The following PARN variants were observed in gnomAD, a reference collection of about 807,000 sequenced individuals.
PARN encodes poly(A)-specific ribonuclease.
A neutral mutation model predicts 102.8 loss-of-function variants in PARN; 71 were observed. The ratio of observed to expected loss-of-function variants is 0.69; its 90% CI spans 0.57 to 0.84. PARN has a LOEUF of 0.84. Among genes scored for constraint, PARN ranks in the 40% least tolerant of loss-of-function variants. The pLI, the probability that PARN is intolerant of heterozygous loss-of-function variation, is 0.00. For synonymous variants in PARN, 261 were observed against 252.9 expected (o/e 1.03, Z -0.30); for missense variants, 782 against 760.9 (o/e 1.03, Z -0.33).
intron 21 of PARN, among the ~76,000 whole-genome samples, chr16:14,497,698 T>G (rs1216326674): frequency 2.6e-5 from 4 of 152,152 alleles, no homozygotes; most frequent in Non-Finnish European, 4.4e-5. Context: ...GTTGAAAAGC[T>G]TAGTCTGTTT....
At chr16:14,513,246 G>A (rs1410690251) in intron 21 of PARN, among the ~76,000 whole-genome samples, 3 of 152,054 alleles carry the variant, frequency 2.0e-5, no homozygotes, top group African/African-American at 4.8e-5. Context: ...CAAAACTTCA[G>A]CAAATAAAGT....
At chr16:14,597,286 A>T (rs899183662) in intron 12 of PARN, among the ~76,000 whole-genome samples, 2 of 152,286 alleles carry the variant, frequency 1.3e-5, no homozygotes, top group African/African-American at 4.8e-5. Flanking sequence ...ATAAACTATA[A>T]AGTTAAACTA....
At chr16:14,550,530 G>C (rs1406551161) in intron 21 of PARN, among the ~76,000 whole-genome samples, 3 of 152,190 alleles carry the variant, frequency 2.0e-5, no homozygotes, top group Non-Finnish European at 1.5e-5. Flanking sequence ...TCACACAACT[G>C]TTAAGTGATG....
At chr16:14,494,487 G>C (rs1012790351) in intron 21 of PARN, among the ~76,000 whole-genome samples, 1 of 152,202 alleles carries the variant, frequency 6.6e-6, no homozygotes, top group Non-Finnish European at 1.5e-5. Context: ...TGAGGGTTGG[G>C]AGAGCAGGTA....
chr16:14,534,348 C>T (rs1966517360), intron 21 of PARN, among the ~76,000 whole-genome samples: 1 of 151,834 alleles, frequency 6.6e-6, no homozygotes, highest in Non-Finnish European at 1.5e-5. Context: ...GAACACAGGG[C>T]ATATAAACAT....
At chr16:14,532,174 ATT>A (rs35785901) in intron 21 of PARN, among the ~76,000 whole-genome samples, 18 of 138,246 alleles carry the variant, frequency 1.3e-4, no homozygotes, top group African/African-American at 2.1e-4. Context: ...TCAAACTCTG[ATT>A]TTTTTTTTTT....
At chr16:14,594,127 C>T (rs1286045691) in intron 12 of PARN, among the ~76,000 whole-genome samples, 2 of 152,110 alleles carry the variant, frequency 1.3e-5, no homozygotes, top group African/African-American at 4.8e-5. Flanking sequence ...TACATTCATA[C>T]CAATGCTAAA....
At chr16:14,614,346 G>C (rs533105413) in intron 6 of PARN, among the ~76,000 whole-genome samples, 1 of 152,296 alleles carries the variant, frequency 6.6e-6, no homozygotes, top group African/African-American at 2.4e-5. Context: ...GGACTAAAGA[G>C]AGATAGAAAG....
intron 21 of PARN, among the ~76,000 whole-genome samples, chr16:14,517,322 T>G (rs1470882874): frequency 6.6e-6 from 1 of 152,110 alleles, no homozygotes; most frequent in Admixed American, 6.5e-5. Flanking sequence ...TGGGAACCCT[T>G]TGGTCACCAT....
chr16:14,516,422 A>C (rs1965459325), intron 21 of PARN, among the ~76,000 whole-genome samples: 1 of 152,194 alleles, frequency 6.6e-6, no homozygotes, highest in African/African-American at 2.4e-5. Flanking sequence ...GATCCAAAAC[A>C]ACTAGTCAAA....
chr16:14,601,600 T>C (rs1289435926), intron 11 of PARN, among the ~76,000 whole-genome samples: 1 of 152,108 alleles, frequency 6.6e-6, no homozygotes, highest in Non-Finnish European at 1.5e-5. Context: ...ATGATAAATT[T>C]TGTTATGTGT....
At chr16:14,629,499 A>C (rs1972895854) in intron 2 of PARN, 98 bp downstream of exon 2, 1 of 868,008 alleles carries the variant, frequency 1.2e-6, no homozygotes, top group Non-Finnish European at 1.9e-6. Context: ...TAACAGCAAG[A>C]GGCCACCACC....
rs942688617 is a variant in PARN at position 14,593,317 on chromosome 16, T to A, written c.902A>T (p.Tyr301Phe). 3 of 1,592,730 alleles carry A rather than the reference T, an allele frequency of 1.9e-6. No individual in the cohort carries two copies. The highest frequency in any genetic ancestry group is 1.7e-5 in the Admixed American group (1 of 59,920). ...LDVMHTVHQF[Y>F]CPLPADLSEF... ...GTCACTTACCGCAGGCAGAGGGCAG[T>A]AGAACTGATGAACTGTGTGCATGAC... Residue 301 changes from tyrosine to phenylalanine, a missense_variant, in exon 13 of 24, where the codon TAC (tyrosine) becomes TTC (phenylalanine). Coordinates refer to ENST00000437198, the MANE Select transcript of PARN (RefSeq NM_002582.4).
chr16:14,607,796 T>C (rs981601618), intron 9 of PARN, among the ~76,000 whole-genome samples: 23 of 152,150 alleles, frequency 1.5e-4, no homozygotes, highest in Admixed American at 9.8e-4. Flanking sequence ...TCTATGTCAA[T>C]GTTCAATTTC....
chr16:14,628,034 A>AT (rs1369035733), intron 3 of PARN, 138 bp downstream of exon 3: 1 of 650,158 alleles, frequency 1.5e-6, no homozygotes, highest in East Asian at 2.8e-5. Flanking sequence ...AAAAAAAAAA[A>AT]TCACTTCATG....
chr16:14,610,359 G>T (rs572178548), intron 7 of PARN, among the ~76,000 whole-genome samples: 1 of 151,586 alleles, frequency 6.6e-6, no homozygotes, highest in East Asian at 1.9e-4. Flanking sequence ...TATAATCCCA[G>T]CTACTCTGGA....
Position 14,555,681 on chromosome 16 carries a change from G to A in PARN, c.1291C>T (p.Pro431Ser). Reference sequence around the variant, plus strand: ...TCTGGTCCTTCCAAGTTTAGATAGGGGATATCCATGACCCTCATAAGAAAT... The same window carrying A: ...TCTGGTCCTTCCAAGTTTAGATAGGAGATATCCATGACCCTCATAAGAAAT... ...KLFLMRVMDIPYLNLEGPDLQ... is the reference protein window; with the variant it reads ...KLFLMRVMDISYLNLEGPDLQ... Residue 431 changes from proline to serine, a missense_variant, in exon 19 of 24, where the codon CCC (proline) becomes TCC (serine). Pro to Ser is a moderately conservative substitution (Grantham distance 74). Transcript: ENST00000437198. 1.3e-6 allele frequency: 2 copies of A among 1,485,974 alleles called. No individual in the cohort carries two copies. Among genetic ancestry groups the A allele is most frequent in the Non-Finnish European group, 1.8e-6 (2 of 1,092,838 alleles). The allele number at this position is 1,485,974 out of a possible 1,614,324, so 92.0% of individuals were successfully genotyped here.
chr16:14,473,703 A>T (rs1962879215), intron 22 of PARN, among the ~76,000 whole-genome samples: 1 of 152,150 alleles, frequency 6.6e-6, no homozygotes, highest in African/African-American at 2.4e-5. Flanking sequence ...ACTGCGTGAG[A>T]CAGCCAGCTG....
rs572589104 is a variant in PARN at position 14,455,767 on chromosome 16, T to A, written c.1671-8686A>T. 4.6e-5 allele frequency among the ~76,000 whole-genome samples: 7 copies of A among 152,338 alleles called. No individual in the cohort carries two copies. The South Asian group carries it at 1.4e-3, about 32-fold the overall frequency. Reference sequence around the variant, plus strand: ...ATATGGTGACAGTGACAAGCAAGAATGACGTGATTGGAATGTGACCCCTTC... The same window carrying A: ...ATATGGTGACAGTGACAAGCAAGAAAGACGTGATTGGAATGTGACCCCTTC... On this transcript the variant is annotated intron_variant, in intron 22 of 23. Transcript: ENST00000437198.
Sources: allele counts gnomAD v4.1 joint callset (sites outside exome capture counted in the v4.1 genomes callset), GRCh38; gene constraint gnomAD v4.1.1; transcripts MANE v1.5; gene names NCBI Gene and HGNC (gene_info 2026-07-23, HGNC 2026-07-21).